Variants in ERG observed in about 807,000 individuals in gnomAD.
ERG encodes transcriptional regulator ERG.
ERG carries 9 observed loss-of-function variants against 55.3 expected under a neutral mutation model. The observed-to-expected ratio is 0.16, with a 90% CI of 0.10 to 0.28. The LOEUF (loss-of-function observed/expected upper bound fraction) is 0.28, where lower values mean the gene tolerates loss of function less well. ERG is among the 10% of genes least tolerant of loss of function. ERG has a pLI of 1.00. For missense variants in ERG, 434 were observed against 631.6 expected, an observed-to-expected ratio of 0.69 and a Z score of 3.35; for synonymous variants, 223 against 237.3, an observed-to-expected ratio of 0.94 and a Z score of 0.55.
chr21:38,587,324 G>A (rs992540726), upstream of ERG, among the ~76,000 whole-genome samples: 18 of 151,894 alleles, frequency 1.2e-4, no homozygotes, highest in African/African-American at 2.7e-4. Context: ...GGAGGGGGAC[G>A]GTGCAGTAGA....
chr21:38,426,229 C>T (rs139930696), intron 2 of ERG, among the ~76,000 whole-genome samples: 1 of 152,334 alleles, frequency 6.6e-6, no homozygotes, highest in East Asian at 1.9e-4. Flanking sequence ...TGCATTATTT[C>T]CTCTTGATGC....
chr21:38,367,295 T>G, the ERG span, among the ~76,000 whole-genome samples: 1 of 152,330 alleles, frequency 6.6e-6, no homozygotes, highest in Middle Eastern at 3.4e-3. Context: ...AACAAATTTC[T>G]CCATAAACAT....
chr21:38,629,938 T>C (rs1385794272), intron 1 of ERG, among the ~76,000 whole-genome samples: 3 of 152,100 alleles, frequency 2.0e-5, no homozygotes, highest in African/African-American at 7.2e-5. Flanking sequence ...AGAAATGAAA[T>C]TATAATCCAT....
In ERG at chr21:38,383,697, A is replaced by G. The variant is rs367974189; in HGVS notation, c.1146T>C (p.His382=). Residue 382 remains histidine, a synonymous_variant, in exon 10 of 10, where the codon CAT becomes CAC. Transcript: ENST00000288319. This position sits in a 1 kb window ranked among gnomAD's most constrained non-coding sequence, Gnocchi z 5.7. The part of the protein sequence containing the change: ...YYDKNIMTKV[H]GKRYAYKFDF... ...CGAACTTGTAGGCGTAGCGCTTCCC[A>G]TGGACCTTGGTCATGATGTTCTTGT... 1 of 1,614,162 alleles carries G rather than the reference A, an allele frequency of 6.2e-7. No individual in the cohort carries two copies. The highest frequency in any genetic ancestry group is 8.5e-7 in the Non-Finnish European group (1 of 1,180,032).
At chr21:38,585,022 G>A (rs940663476), upstream of ERG, 4 of 152,040 alleles carry the variant, frequency 2.6e-5, no homozygotes, top group East Asian at 5.8e-4. Context: ...TACATGTACC[G>A]ACAAAACCTA....
chr21:38,568,007 G>C (rs1026703008), intron 2 of ERG, among the ~76,000 whole-genome samples: 1 of 152,192 alleles, frequency 6.6e-6, no homozygotes, highest in Non-Finnish European at 1.5e-5. Flanking sequence ...GTTACTTCCA[G>C]AGCGGCAGCC....
Position 38,383,079 on chromosome 21 carries a change from CTAAAGTTTATACATTTCT to C in ERG, c.*306_*323del, listed in dbSNP as rs1987520913. The C allele has an allele frequency of 1.8e-6, 2 of 1,115,288 alleles. No individual in the cohort carries two copies. The highest frequency in any genetic ancestry group is 9.0e-5 in the East Asian group (2 of 22,128). The allele number at this position is 1,115,288 out of a possible 1,614,324, so 69.1% of individuals were successfully genotyped here. A position where few individuals can be genotyped will look rare whatever the true frequency, so the allele number is the denominator to read the frequency against. ...CATTAGTGGGATTCCAAACTCTACT[CTAAAGTTTATACATTTCT>C]TAAGACCACTTTCTTTGGCACTTTG... On this transcript the variant is annotated 3_prime_UTR_variant, in exon 10 of 10. Coordinates refer to ENST00000288319, the MANE Select transcript of ERG (RefSeq NM_182918.4). This position sits in a 1 kb window ranked among gnomAD's most constrained non-coding sequence, Gnocchi z 5.7.
At chr21:38,503,367 TC>T (rs1024710584), upstream of ERG, among the ~76,000 whole-genome samples, 5 of 84,036 alleles carry the variant, frequency 5.9e-5, no homozygotes, top group African/African-American at 2.4e-4. Context: ...AGCATAGAGC[TC>T]TTTTTTTTTT....
At chr21:38,518,663 C>T (rs1250250705) in intron 2 of ERG, among the ~76,000 whole-genome samples, 3 of 151,756 alleles carry the variant, frequency 2.0e-5, no homozygotes, top group Non-Finnish European at 4.4e-5. Context: ...ATATGACAAG[C>T]AAAAACTATG....
chr21:38,539,485 T>C (rs2059735586), intron 2 of ERG, among the ~76,000 whole-genome samples: 1 of 152,174 alleles, frequency 6.6e-6, no homozygotes, highest in African/African-American at 2.4e-5. Context: ...TACTAGAAAA[T>C]GTAAAATTAC....
intron 1 of ERG, among the ~76,000 whole-genome samples, chr21:38,482,615 A>G (rs914859842): frequency 3.9e-5 from 6 of 152,214 alleles, no homozygotes; most frequent in African/African-American, 1.4e-4. Context: ...AAGGAACCAA[A>G]GTGTCCATCA....
the ERG span, among the ~76,000 whole-genome samples, chr21:38,370,981 T>C: frequency 6.6e-6 from 1 of 151,308 alleles, no homozygotes; most frequent in African/African-American, 2.4e-5. Flanking sequence ...GGAATTGCAG[T>C]GGGTTTCTAG....
intron 2 of ERG, among the ~76,000 whole-genome samples, chr21:38,439,239 G>T (rs62217941): frequency 6.6e-6 from 1 of 152,094 alleles, no homozygotes; most frequent in African/African-American, 2.4e-5. Context: ...ATGCTCAGAT[G>T]GAGGAAAAGC....
intron 1 of ERG, among the ~76,000 whole-genome samples, chr21:38,496,081 A>T (rs972119682): frequency 1.3e-5 from 2 of 152,228 alleles, no homozygotes; most frequent in African/African-American, 2.4e-5. Context: ...CTTCCAATTG[A>T]AACATTTTGT....
chr21:38,463,754 T>C (rs1240278552), intron 1 of ERG, among the ~76,000 whole-genome samples: 1 of 152,188 alleles, frequency 6.6e-6, no homozygotes, highest in Non-Finnish European at 1.5e-5. Flanking sequence ...GTATGTGTGC[T>C]GGTTGGGGGG....
intron 2 of ERG, 52 bp downstream of exon 2, chr21:38,445,352 A>G: frequency 6.8e-7 from 1 of 1,474,116 alleles, no homozygotes; most frequent in Non-Finnish European, 9.4e-7. Context: ...TGCCTTTGCA[A>G]AGGATAGGAA....
intron 1 of ERG, among the ~76,000 whole-genome samples, chr21:38,465,778 C>T (rs746380792): frequency 4.6e-5 from 7 of 152,174 alleles, no homozygotes; most frequent in African/African-American, 1.2e-4. Flanking sequence ...TTTTGCCACA[C>T]GTGCAATGAC....
At chr21:38,429,164 G>C (rs143419168) in intron 2 of ERG, among the ~76,000 whole-genome samples, 2 of 151,898 alleles carry the variant, frequency 1.3e-5, no homozygotes, top group African/African-American at 4.8e-5. Flanking sequence ...GAGTTACTTC[G>C]GTTAGAATAA....
intron 2 of ERG, among the ~76,000 whole-genome samples, chr21:38,434,034 C>T (rs767866034): frequency 6.6e-6 from 1 of 152,096 alleles, no homozygotes; most frequent in African/African-American, 2.4e-5. Context: ...AGAGTGCTCT[C>T]CCCCAAACAG....
Sources: allele counts gnomAD v4.1 joint callset (sites outside exome capture counted in the v4.1 genomes callset), GRCh38; gene constraint gnomAD v4.1.1; non-coding constraint Gnocchi (gnomAD v3.1); transcripts MANE v1.5; gene names NCBI Gene and HGNC (gene_info 2026-07-23, HGNC 2026-07-21).